The following CTBP1 variants were observed in gnomAD, a reference collection of about 807,000 sequenced individuals.
CTBP1 encodes C-terminal-binding protein 1.
CTBP1 carries 11 observed loss-of-function variants against 42.1 expected under a neutral mutation model. That is an observed-to-expected ratio of 0.26 (90% CI 0.16 to 0.43). The LOEUF (loss-of-function observed/expected upper bound fraction) is 0.43, where lower values mean the gene tolerates loss of function less well. CTBP1 is among the 20% of genes least tolerant of loss of function. CTBP1 has a pLI of 1.00. For synonymous variants in CTBP1, 324 were observed against 277.1 expected (o/e 1.17, Z -1.68); for missense variants, 399 against 624.3 (o/e 0.64, Z 3.85).
In CTBP1 at chr4:1,212,080, A is replaced by G. The variant is rs1728594567; in HGVS notation, c.*160T>C. 10 of 521,138 alleles carry G rather than the reference A, an allele frequency of 1.9e-5. No homozygotes were observed. The South Asian group carries it at 4.2e-4, about 22-fold the overall frequency. The allele number at this position is 521,138 out of a possible 1,614,324, so 32.3% of individuals were successfully genotyped here. A position where few individuals can be genotyped will look rare whatever the true frequency, so the allele number is the denominator to read the frequency against. On this transcript the variant is annotated 3_prime_UTR_variant, in exon 10 of 10. Transcript: ENST00000382952. Reference sequence around the variant, plus strand: ...GAGCGCCCACAGGACGGACGACGACAAGCGACACGAGGCCCAGCGCTGCCC... The same window carrying G: ...GAGCGCCCACAGGACGGACGACGACGAGCGACACGAGGCCCAGCGCTGCCC...
At chr4:1,246,505 T>G (rs1378035756) in intron 1 of CTBP1, among the ~76,000 whole-genome samples, 1 of 152,142 alleles carries the variant, frequency 6.6e-6, no homozygotes, top group Non-Finnish European at 1.5e-5. Flanking sequence ...GGCACACACC[T>G]TTGACTTGGG....
intron 2 of CTBP1, among the ~76,000 whole-genome samples, chr4:1,240,007 G>A (rs997617192): frequency 6.6e-6 from 1 of 152,228 alleles, no homozygotes; most frequent in African/African-American, 2.4e-5. Flanking sequence ...GGTTTATGTT[G>A]CTGTTTCTGA....
Position 1,212,179 on chromosome 4 carries a change from T to C in CTBP1, c.*61A>G. 7.4e-7 allele frequency: 1 copy of C among 1,343,694 alleles called. No individual in the cohort carries two copies. The highest frequency in any genetic ancestry group is 3.5e-5 in the Admixed American group (1 of 28,938). The allele number at this position is 1,343,694 out of a possible 1,614,324, so 83.2% of individuals were successfully genotyped here. A position where few individuals can be genotyped will look rare whatever the true frequency, so the allele number is the denominator to read the frequency against. On this transcript the variant is annotated 3_prime_UTR_variant, in exon 10 of 10. Coordinates refer to ENST00000382952, the MANE Select transcript of CTBP1 (RefSeq NM_001012614.2). ...CCACACAGATGCCTCCTCCACACAC[T>C]CTGGTCCGAGGGTTTCCGGGCCCTC...
intron 1 of CTBP1, among the ~76,000 whole-genome samples, chr4:1,246,455 CCTT>C (rs959735208): frequency 6.6e-6 from 1 of 152,222 alleles, no homozygotes; most frequent in Admixed American, 6.5e-5. Context: ...AACATTAAGT[CCTT>C]CTACAAGGAG....
At position 1,241,305 on chromosome 4, in the gene CTBP1, C is replaced by T. The variant is rs369003344; in HGVS notation, c.7+20G>A. 9.0e-5 allele frequency: 73 copies of T among 814,380 alleles called. No homozygotes were observed. Among genetic ancestry groups the T allele is most frequent in the African/African-American group, 8.7e-4 (52 of 59,720 alleles). The allele number at this position is 814,380 out of a possible 1,614,324, so 50.4% of individuals were successfully genotyped here. A position where few individuals can be genotyped will look rare whatever the true frequency, so the allele number is the denominator to read the frequency against. On this transcript the variant is annotated intron_variant, in intron 2 of 9. Coordinates refer to ENST00000382952, the MANE Select transcript of CTBP1 (RefSeq NM_001012614.2). ...CCGGCCGGCTTCACTCTGCCGCCGACGCCAGGAACCCCTACCAACCTGACA... is the reference window on the plus strand; with the variant it reads ...CCGGCCGGCTTCACTCTGCCGCCGATGCCAGGAACCCCTACCAACCTGACA...
chr4:1,248,814 C>A (rs1210246149), intron 1 of CTBP1, 102 bp downstream of exon 1: 15 of 925,238 alleles, frequency 1.6e-5, no homozygotes, highest in Non-Finnish European at 7.7e-6. Context: ...GCCGGCGGCC[C>A]GCGGGCGCGC....
rs753627846 is a variant in CTBP1 at position 1,243,034 on chromosome 4, G to A, written c.-188-1515C>T. The stretch of plus-strand genomic sequence containing the variant: ...ATACTGGCCAAACTCATTGATACGG[G>A]CCAATACTCATTGATACCGGCTGAT... On this transcript the variant is annotated intron_variant, in intron 1 of 9. Coordinates refer to ENST00000382952, the MANE Select transcript of CTBP1 (RefSeq NM_001012614.2). 4 of 985,268 alleles carry A rather than the reference G, an allele frequency of 4.1e-6. No individual in the cohort carries two copies. In the African/African-American group the frequency reaches 7.0e-5, roughly 17 times the overall value. The allele number at this position is 985,268 out of a possible 1,614,324, so 61.0% of individuals were successfully genotyped here. A position where few individuals can be genotyped will look rare whatever the true frequency, so the allele number is the denominator to read the frequency against.
At chr4:1,226,193 C>A (rs193083015) in intron 4 of CTBP1, among the ~76,000 whole-genome samples, 65 of 152,258 alleles carry the variant, frequency 4.3e-4, no homozygotes, top group African/African-American at 1.5e-3. Flanking sequence ...CCGGCCTTGT[C>A]CCCAGAGACA....
intron 9 of CTBP1, 180 bp from the exon 10 acceptor site, chr4:1,212,603 G>C (rs574541162): frequency 1.6e-6 from 1 of 639,108 alleles, no homozygotes; most frequent in South Asian, 2.1e-5. Context: ...GGGCTGGGGA[G>C]GGGAGCCCTG....
intron 1 of CTBP1, chr4:1,241,775 G>C: frequency 8.4e-7 from 1 of 1,190,018 alleles, no homozygotes; most frequent in Non-Finnish European, 1.1e-6. Context: ...GCCTACTCCT[G>C]GGAACAGTCC....
rs375479004 is a variant in CTBP1 at position 1,213,458 on chromosome 4, C to T, written c.988+20G>A. 2.3e-5 allele frequency: 37 copies of T among 1,607,128 alleles called. No homozygotes were observed. In the East Asian group the frequency reaches 2.9e-4, roughly 13 times the overall value. Reference sequence around the variant, plus strand: ...GCAGGAAGGGACCCCCAGGCCTGACCGAGCGGCCCCCACGCCCACCTGTGA... The same window carrying T: ...GCAGGAAGGGACCCCCAGGCCTGACTGAGCGGCCCCCACGCCCACCTGTGA... On this transcript the variant is annotated intron_variant, in intron 8 of 9. Transcript: ENST00000382952.
At chr4:1,227,065 CAG>C (rs1730428109) in intron 4 of CTBP1, among the ~76,000 whole-genome samples, 1 of 152,058 alleles carries the variant, frequency 6.6e-6, no homozygotes, top group Non-Finnish European at 1.5e-5. Context: ...TGGCAGAAAA[CAG>C]AAAGTGCGCT....
At chr4:1,214,635 C>T (rs1477560143) in intron 6 of CTBP1, among the ~76,000 whole-genome samples, 162 bp from the exon 7 acceptor site, 2 of 152,250 alleles carry the variant, frequency 1.3e-5, no homozygotes, top group East Asian at 3.8e-4. Flanking sequence ...AGGCCTCGGG[C>T]GTGCTGCACC....
intron 1 of CTBP1, chr4:1,243,551 C>T (rs1269275398): frequency 3.0e-6 from 3 of 985,298 alleles, no homozygotes; most frequent in Non-Finnish European, 2.4e-6. Context: ...CCACCATCTG[C>T]ACCACCCTGG....
Position 1,248,722 on chromosome 4 carries a change from C to T in CTBP1, c.-189+194G>A, listed in dbSNP as rs1017954972. On this transcript the variant is annotated intron_variant, in intron 1 of 9. Transcript: ENST00000382952. ...GCTCGCGCACACGCAGCGGCCCGCG[C>T]ATGCGCAAGACCCTTCCCGCGGTCC... The T allele has an allele frequency of 1.6e-3, 1,591 of 981,898 alleles. 3 individuals are homozygous for T. Among genetic ancestry groups the T allele is most frequent in the Non-Finnish European group, 1.8e-3 (1,511 of 828,776 alleles). The allele number at this position is 981,898 out of a possible 1,614,324, so 60.8% of individuals were successfully genotyped here.
Position 1,215,937 on chromosome 4 carries a change from C to T in CTBP1, c.729+54G>A, listed in dbSNP as rs73793118. On this transcript the variant is annotated intron_variant, in intron 6 of 9. Transcript: ENST00000382952. ...TGCTGGGAGGGACCTGCCTGACACC[C>T]CCACCTGTACCTGCCCCGCAGAAGT... The T allele has an allele frequency of 9.5e-4, 1,457 of 1,538,096 alleles. 16 individuals carry two copies. The African/African-American group carries it at 0.018, about 19-fold the overall frequency.
chr4:1,234,039 G>A (rs1001214016), intron 3 of CTBP1, among the ~76,000 whole-genome samples: 6 of 152,318 alleles, frequency 3.9e-5, no homozygotes, highest in Admixed American at 1.3e-4. Context: ...CAGCAGGGAC[G>A]AGGAGGGGAC....
intron 3 of CTBP1, chr4:1,237,246 G>A: frequency 3.0e-6 from 2 of 669,776 alleles, no homozygotes; most frequent in Non-Finnish European, 5.4e-6. Flanking sequence ...ATGGGGCTCA[G>A]GACAAACCGA....
At chr4:1,217,282 A>G (rs1020430243) in intron 5 of CTBP1, 8 of 152,246 alleles carry the variant, frequency 5.3e-5, no homozygotes, top group African/African-American at 1.9e-4. Flanking sequence ...AACGCACTAC[A>G]TCCTAGAAAG....
Sources: gnomAD v4.1 joint callset for allele counts (sites outside exome capture counted in the v4.1 genomes callset) on GRCh38, gnomAD v4.1.1 for gene constraint, MANE v1.5 for transcripts, NCBI Gene and HGNC (gene_info 2026-07-23, HGNC 2026-07-21) for gene names.